Variants in RAB6A observed in about 807,000 individuals in gnomAD.
RAB6A encodes the protein RAB6A, member RAS oncogene family.
Under a neutral mutation model 32.3 loss-of-function variants are expected in RAB6A, and 8 were observed. The observed-to-expected ratio is 0.25, with a 90% CI of 0.15 to 0.45. The LOEUF is 0.45. Among genes scored for constraint, RAB6A ranks in the 20% least tolerant of loss-of-function variants. RAB6A has a pLI of 1.00. For missense variants in RAB6A, 104 were observed against 249.4 expected, an observed-to-expected ratio of 0.42 and a Z score of 3.93; for synonymous variants, 73 against 82.1, an observed-to-expected ratio of 0.89 and a Z score of 0.60.
At chr11:73,711,659 C>G (rs901052793) in intron 5 of RAB6A, among the ~76,000 whole-genome samples, 1 of 152,190 alleles carries the variant, frequency 6.6e-6, no homozygotes, top group African/African-American at 2.4e-5. Flanking sequence ...ATTTCCAGGT[C>G]AAAGGCTAAA....
At chr11:73,723,838 C>T (rs11822264) in intron 2 of RAB6A, among the ~76,000 whole-genome samples, 2,673 of 152,056 alleles carry the variant, frequency 0.018, 80 homozygotes, top group African/African-American at 0.06. Context: ...TATTATGGTA[C>T]GATGTCAATA....
chr11:73,732,769 A>G (rs1290358258), intron 1 of RAB6A, among the ~76,000 whole-genome samples: 1 of 151,974 alleles, frequency 6.6e-6, no homozygotes, highest in Non-Finnish European at 1.5e-5. Context: ...CAAAGCAAAC[A>G]AACAAACAGA....
At chr11:73,719,060 A>C (rs1946095812) in intron 3 of RAB6A, among the ~76,000 whole-genome samples, 1 of 152,182 alleles carries the variant, frequency 6.6e-6, no homozygotes, top group Non-Finnish European at 1.5e-5. Context: ...CTCCTTTTTC[A>C]AAAGGGAGAA....
At chr11:73,760,476 C>T in intron 1 of RAB6A, 90 bp downstream of exon 1, 1 of 1,479,888 alleles carries the variant, frequency 6.8e-7, no homozygotes, top group Admixed American at 2.2e-5. Context: ...GCGAGGCGGG[C>T]AGGGAGCCTC....
At chr11:73,756,624 G>A (rs1222741506) in intron 1 of RAB6A, among the ~76,000 whole-genome samples, 2 of 152,144 alleles carry the variant, frequency 1.3e-5, no homozygotes, top group Non-Finnish European at 2.9e-5. Context: ...ATAGCCAGAG[G>A]TAGTAACAAA....
intron 2 of RAB6A, 28 bp downstream of exon 2, chr11:73,730,737 A>T: frequency 6.4e-7 from 1 of 1,551,700 alleles, no homozygotes; most frequent in Non-Finnish European, 8.8e-7. Context: ...AAAAATAGAC[A>T]ACAAATAAAT....
In RAB6A at chr11:73,730,666, T is replaced by C. The variant is rs561628150; in HGVS notation, c.129+99A>G. The C allele has an allele frequency of 5.2e-6, 5 of 962,528 alleles. No homozygotes were observed. In the South Asian group the frequency reaches 7.4e-5, roughly 14 times the overall value. 59.6% of individuals were successfully genotyped at this position (962,528 alleles called of 1,614,324 possible). A position where few individuals can be genotyped will look rare whatever the true frequency, so the allele number is the denominator to read the frequency against. ...CATTTTACAGATTATAGAAAGTACT[T>C]TTACATCCACAACTGCAAGTAAATA... On this transcript the variant is annotated intron_variant, in intron 2 of 7. Transcript: ENST00000336083.
intron 2 of RAB6A, chr11:73,722,285 T>G (rs1252369853): frequency 3.8e-5 from 5 of 131,760 alleles, no homozygotes; most frequent in Non-Finnish European, 8.3e-5. Flanking sequence ...TAAATAAAAT[T>G]CAAATATATA....
At chr11:73,724,215 GAT>G (rs1946182812) in intron 2 of RAB6A, among the ~76,000 whole-genome samples, 1 of 152,042 alleles carries the variant, frequency 6.6e-6, no homozygotes, top group Non-Finnish European at 1.5e-5. Context: ...CAAAGAAAAA[GAT>G]ATCCCACTGA....
intron 6 of RAB6A, among the ~76,000 whole-genome samples, chr11:73,689,026 G>T (rs1945503378): frequency 6.6e-6 from 1 of 152,152 alleles, no homozygotes; most frequent in African/African-American, 2.4e-5. Flanking sequence ...AGGAGGCTGA[G>T]GTGGGAAGAG....
At chr11:73,697,400 G>A (rs773445882) in intron 6 of RAB6A, among the ~76,000 whole-genome samples, 2 of 151,152 alleles carry the variant, frequency 1.3e-5, no homozygotes, top group African/African-American at 2.4e-5. Context: ...GCATGGTCTC[G>A]GCTCACTGCA....
intron 1 of RAB6A, among the ~76,000 whole-genome samples, chr11:73,756,197 T>C (rs899467333): frequency 1.3e-5 from 2 of 150,580 alleles, no homozygotes; most frequent in Non-Finnish European, 3.0e-5. Context: ...TACAAAAAAA[T>C]ACAAAAATTA....
chr11:73,721,141 C>T (rs547954928), intron 2 of RAB6A, among the ~76,000 whole-genome samples: 1 of 152,300 alleles, frequency 6.6e-6, no homozygotes, highest in African/African-American at 2.4e-5. Flanking sequence ...AATCTTTATA[C>T]ATTCCTGCCA....
intron 6 of RAB6A, among the ~76,000 whole-genome samples, chr11:73,702,110 A>G (rs1373851908): frequency 6.6e-6 from 1 of 152,214 alleles, no homozygotes; most frequent in Admixed American, 6.5e-5. Flanking sequence ...AGGTTTCAAT[A>G]TCCCCTTCTC....
intron 1 of RAB6A, among the ~76,000 whole-genome samples, chr11:73,731,130 G>A (rs540223606): frequency 6.6e-6 from 1 of 152,062 alleles, no homozygotes; most frequent in South Asian, 2.1e-4. Flanking sequence ...CTAACAAAAA[G>A]AATTAATGGA....
intron 5 of RAB6A, among the ~76,000 whole-genome samples, chr11:73,715,034 GCAGTTCATGTC>G (rs1484965581): frequency 6.6e-6 from 1 of 152,146 alleles, no homozygotes; most frequent in African/African-American, 2.4e-5. Flanking sequence ...TTCCTTCATA[GCAGTTCATGTC>G]CAAAACATAT....
intron 5 of RAB6A, among the ~76,000 whole-genome samples, chr11:73,710,946 C>G (rs1468794353): frequency 2.0e-5 from 3 of 151,910 alleles, no homozygotes; most frequent in African/African-American, 7.3e-5. Flanking sequence ...TCCTTTTTGG[C>G]CCTGATTTAT....
Position 73,730,777 on chromosome 11 carries a change from G to A in RAB6A, c.117C>T (p.Asp39=), listed in dbSNP as rs763969414. ...LITRFMYDSF[D]NTYQATIGID... ...AAAAACAAAATACCTGATAGGTGTT[G>A]TCAAAACTGTCATACATGAATCTGG... Residue 39 remains aspartate, a synonymous_variant, in exon 2 of 8, where the codon GAC becomes GAT. Transcript: ENST00000336083. 4 of 1,600,040 alleles carry A rather than the reference G, an allele frequency of 2.5e-6. No homozygotes were observed. The highest frequency in any genetic ancestry group is 3.4e-6 in the Non-Finnish European group (4 of 1,175,800).
At chr11:73,738,414 C>A (rs1019976280) in intron 1 of RAB6A, among the ~76,000 whole-genome samples, 9 of 152,116 alleles carry the variant, frequency 5.9e-5, no homozygotes, top group African/African-American at 7.2e-5. Flanking sequence ...ACTCGGGAAG[C>A]TGAAACTGGA....
Sources: allele counts gnomAD v4.1 joint callset (sites outside exome capture counted in the v4.1 genomes callset), GRCh38; gene constraint gnomAD v4.1.1; transcripts MANE v1.5; gene names NCBI Gene and HGNC (gene_info 2026-07-23, HGNC 2026-07-21).